The following ULK4 variants were observed in gnomAD, a reference collection of about 807,000 sequenced individuals.
ULK4 encodes the protein unc-51 like kinase 4, also known as inactive serine/threonine-protein kinase ULK4.
In ULK4, 133 loss-of-function variants were observed where a neutral mutation model predicts 160.6. That is an observed-to-expected ratio of 0.83 (90% CI 0.72 to 0.96). The LOEUF (loss-of-function observed/expected upper bound fraction) is 0.96. ULK4 is among the 40% of genes least tolerant of loss of function. The probability of loss-of-function intolerance (pLI) is 0.00; values close to 1 mark genes in which losing one functional copy is unlikely to be tolerated. For missense variants in ULK4, 1,580 were observed against 1,499.5 expected, an observed-to-expected ratio of 1.05 and a Z score of -0.89; for synonymous variants, 534 against 539.8, an observed-to-expected ratio of 0.99 and a Z score of 0.15.
intron 4 of ULK4, among the ~76,000 whole-genome samples, chr3:41,933,590 T>C (rs1309719485): frequency 6.6e-6 from 1 of 152,154 alleles, no homozygotes; most frequent in African/African-American, 2.4e-5. Flanking sequence ...TCATAACAGC[T>C]GATAATAAAT....
At chr3:41,482,687 A>G (rs1357180802) in intron 32 of ULK4, among the ~76,000 whole-genome samples, 1 of 152,198 alleles carries the variant, frequency 6.6e-6, no homozygotes, top group Non-Finnish European at 1.5e-5. Flanking sequence ...TCTTGACTCC[A>G]TACATTTTCA....
At chr3:41,703,157 G>T (rs1043773786) in intron 27 of ULK4, among the ~76,000 whole-genome samples, 8 of 151,966 alleles carry the variant, frequency 5.3e-5, no homozygotes, top group African/African-American at 1.9e-4. Flanking sequence ...CCGGGCCAAC[G>T]ACAAGATGTG....
chr3:41,807,897 T>A (rs903695770), intron 19 of ULK4, among the ~76,000 whole-genome samples: 1 of 152,192 alleles, frequency 6.6e-6, no homozygotes. Context: ...TGAAATAAAA[T>A]GTGACATCCA....
chr3:41,722,271 A>G (rs1021185346), intron 22 of ULK4, among the ~76,000 whole-genome samples: 5 of 152,134 alleles, frequency 3.3e-5, no homozygotes, highest in African/African-American at 7.2e-5. Context: ...TGAATCATGA[A>G]TCACCATGCT....
chr3:41,454,032 TG>T (rs1415050376), intron 34 of ULK4, among the ~76,000 whole-genome samples: 2 of 27,856 alleles, frequency 7.2e-5, no homozygotes, highest in African/African-American at 1.6e-4. Flanking sequence ...TGTCATGGGG[TG>T]GGGGGAGGGG....
intron 32 of ULK4, among the ~76,000 whole-genome samples, chr3:41,479,019 C>T (rs2084228322): frequency 6.6e-6 from 1 of 152,184 alleles, no homozygotes; most frequent in African/African-American, 2.4e-5. Context: ...AGAAGAAAAT[C>T]CTCTTGGGGT....
At chr3:41,765,621 A>C (rs1457995655) in intron 21 of ULK4, among the ~76,000 whole-genome samples, 2 of 152,128 alleles carry the variant, frequency 1.3e-5, no homozygotes, top group Non-Finnish European at 2.9e-5. Context: ...AGAAAAGTAT[A>C]TTTAAGACTC....
At chr3:41,530,705 T>C (rs1402048453) in intron 32 of ULK4, among the ~76,000 whole-genome samples, 1 of 152,222 alleles carries the variant, frequency 6.6e-6, no homozygotes, top group Non-Finnish European at 1.5e-5. Context: ...GCTGACCAAC[T>C]TGAAAAACAA....
At chr3:41,667,413 A>G (rs1411994937) in intron 29 of ULK4, among the ~76,000 whole-genome samples, 4 of 152,228 alleles carry the variant, frequency 2.6e-5, no homozygotes, top group Non-Finnish European at 5.9e-5. Flanking sequence ...TAATCAAATG[A>G]TAGGTTTATA....
At chr3:41,292,896 A>G (rs1054367673) in intron 35 of ULK4, among the ~76,000 whole-genome samples, 1 of 152,154 alleles carries the variant, frequency 6.6e-6, no homozygotes, top group Non-Finnish European at 1.5e-5. Context: ...GTGAGCCAAG[A>G]TTGCACGACT....
At chr3:41,653,321 T>C (rs1325841298) in intron 30 of ULK4, among the ~76,000 whole-genome samples, 2 of 152,248 alleles carry the variant, frequency 1.3e-5, no homozygotes, top group Non-Finnish European at 2.9e-5. Context: ...CTGTCTTGCC[T>C]GTTCCTTCCC....
chr3:41,401,874 T>C (rs1017361361), intron 34 of ULK4, among the ~76,000 whole-genome samples: 1 of 152,160 alleles, frequency 6.6e-6, no homozygotes, highest in Non-Finnish European at 1.5e-5. Context: ...TGTAGTAAGG[T>C]GGGCCCAGTT....
intron 35 of ULK4, among the ~76,000 whole-genome samples, chr3:41,288,622 G>A (rs947668751): frequency 2.6e-5 from 4 of 152,052 alleles, no homozygotes; most frequent in African/African-American, 9.7e-5. Context: ...GTATACAGCT[G>A]GATTCTTCTA....
intron 32 of ULK4, among the ~76,000 whole-genome samples, chr3:41,539,064 C>CTTTTTTTTT (rs2086610272): frequency 7.1e-6 from 1 of 140,966 alleles, no homozygotes; most frequent in Non-Finnish European, 1.5e-5. Flanking sequence ...TATTTCTAGG[C>CTTTTTTTTT]TATATGGTTT....
chr3:41,649,826 G>A (rs62258601), intron 30 of ULK4, among the ~76,000 whole-genome samples: 1 of 152,212 alleles, frequency 6.6e-6, no homozygotes, highest in African/African-American at 2.4e-5. Flanking sequence ...TTCAAGCCAG[G>A]GATAGCCTGA....
intron 29 of ULK4, among the ~76,000 whole-genome samples, chr3:41,675,246 AG>A (rs1411203033): frequency 2.0e-5 from 3 of 152,026 alleles, no homozygotes; most frequent in Non-Finnish European, 4.4e-5. Flanking sequence ...CTCAAAAAAA[AG>A]AAAGAGAAAG....
At chr3:41,558,987 T>C (rs2087434413) in intron 32 of ULK4, among the ~76,000 whole-genome samples, 1 of 132,250 alleles carries the variant, frequency 7.6e-6, no homozygotes, top group African/African-American at 2.5e-5. Flanking sequence ...TAACTCATCA[T>C]TTAACATTAG....
intron 35 of ULK4, among the ~76,000 whole-genome samples, chr3:41,349,179 T>A (rs912203260): frequency 6.6e-6 from 1 of 152,206 alleles, no homozygotes; most frequent in South Asian, 2.1e-4. Flanking sequence ...GAATTCACCA[T>A]ATGCCCCCAT....
intron 32 of ULK4, among the ~76,000 whole-genome samples, chr3:41,558,466 A>C (rs554280616): frequency 6.6e-6 from 1 of 152,234 alleles, no homozygotes; most frequent in African/African-American, 2.4e-5. Context: ...GCACTTTGAG[A>C]GGCCAAGGTG....
Sources: gnomAD v4.1 joint callset for allele counts (sites outside exome capture counted in the v4.1 genomes callset) on GRCh38, gnomAD v4.1.1 for gene constraint, MANE v1.5 for transcripts, NCBI Gene and HGNC (gene_info 2026-07-23, HGNC 2026-07-21) for gene names.